The following BRAF variants were observed in gnomAD, a reference collection of about 807,000 sequenced individuals.
BRAF encodes the protein B-Raf proto-oncogene, serine/threonine kinase.
A neutral mutation model predicts 104.6 loss-of-function variants in BRAF; 16 were observed. The observed-to-expected ratio is 0.15, with a 90% CI of 0.10 to 0.23. The LOEUF (loss-of-function observed/expected upper bound fraction) is 0.23, where lower values mean the gene tolerates loss of function less well. Ranked by LOEUF, BRAF falls within the 10% of genes least tolerant of loss-of-function variation. BRAF has a pLI of 1.00. For synonymous variants in BRAF, 310 were observed against 341.6 expected (o/e 0.91, Z 1.02); for missense variants, 541 against 937.3 (o/e 0.58, Z 5.52).
intron 1 of BRAF, among the ~76,000 whole-genome samples, chr7:140,858,009 T>C (rs543886475): frequency 6.6e-5 from 10 of 152,138 alleles, no homozygotes; most frequent in Non-Finnish European, 1.5e-4. Context: ...AAATTAGTTA[T>C]TCCCACTTGA....
At chr7:140,887,833 C>T (rs10255130) in intron 1 of BRAF, among the ~76,000 whole-genome samples, 45,566 of 151,896 alleles carry the variant, frequency 0.3, 10,933 homozygotes, top group African/African-American at 0.67. Flanking sequence ...CCCACCTTGG[C>T]CACCCAAGTA....
rs193259995 is a variant in BRAF, at chr7:140,878,812, C to G, written c.139-28600G>C. On this transcript the variant is annotated intron_variant, in intron 1 of 19. Coordinates refer to ENST00000644969, the MANE Select transcript of BRAF (RefSeq NM_001374258.1). ...CCCAATCACCTTGACTTCAGCATTG[C>G]GCACTGTATACCTATATCAAAATAT... Among the ~76,000 whole-genome samples, 432 of 152,228 alleles carry G rather than the reference C, an allele frequency of 2.8e-3. 2 individuals carry two copies. The highest frequency in any genetic ancestry group is 4.4e-3 in the Admixed American group (68 of 15,296).
Position 140,787,594 on chromosome 7 carries a change from A to T in BRAF, c.1141-10T>A. The T allele has an allele frequency of 6.2e-7, 1 of 1,607,834 alleles. No homozygotes were observed. Among genetic ancestry groups the T allele is most frequent in the South Asian group, 1.1e-5 (1 of 90,864 alleles). On this transcript the variant is annotated splice_polypyrimidine_tract_variant and intron_variant, in intron 8 of 19. Transcript: ENST00000644969. Reference sequence around the variant, plus strand: ...GGTCTCTAATCAAGTCCTACAAATAAATAGTAATGTATATTTATTCCAAGC... The same window carrying T: ...GGTCTCTAATCAAGTCCTACAAATATATAGTAATGTATATTTATTCCAAGC...
intron 1 of BRAF, among the ~76,000 whole-genome samples, chr7:140,878,129 G>C (rs1241408344): frequency 6.6e-6 from 1 of 151,460 alleles, no homozygotes; most frequent in African/African-American, 2.4e-5. Context: ...GAAATCACAA[G>C]AAAAATTAGA....
chr7:140,713,609 GT>G, the BRAF span, among the ~76,000 whole-genome samples: 1 of 152,120 alleles, frequency 6.6e-6, no homozygotes, highest in Admixed American at 6.5e-5. Flanking sequence ...CTCTCAACTT[GT>G]CAAAGTCATT....
At chr7:140,827,694 A>T (rs752315672) in intron 3 of BRAF, among the ~76,000 whole-genome samples, 1 of 152,152 alleles carries the variant, frequency 6.6e-6, no homozygotes, top group Non-Finnish European at 1.5e-5. Context: ...TTTGTTCCAG[A>T]GTGACAAACT....
chr7:140,904,154 C>A (rs956019056), intron 1 of BRAF, among the ~76,000 whole-genome samples: 1 of 152,168 alleles, frequency 6.6e-6, no homozygotes, highest in Non-Finnish European at 1.5e-5. Flanking sequence ...GAAAGCATCG[C>A]CTGGTACAGA....
intron 1 of BRAF, among the ~76,000 whole-genome samples, chr7:140,853,756 T>A (rs1267299577): frequency 6.6e-6 from 1 of 152,220 alleles, no homozygotes; most frequent in Non-Finnish European, 1.5e-5. Flanking sequence ...AATCAGCTTC[T>A]ATGCCCTTTG....
At chr7:140,798,319 G>A (rs1274702159) in intron 7 of BRAF, among the ~76,000 whole-genome samples, 2 of 142,170 alleles carry the variant, frequency 1.4e-5, no homozygotes, top group African/African-American at 5.2e-5. Context: ...CTGGAATGCA[G>A]TGACGTGATC....
downstream of BRAF, among the ~76,000 whole-genome samples, chr7:140,717,391 C>T (rs1034401870): frequency 1.3e-5 from 2 of 152,158 alleles, no homozygotes; most frequent in Admixed American, 1.3e-4. Context: ...AGCAGTCTCC[C>T]CCGACCTCAG....
Position 140,821,295 on chromosome 7 carries a change from T to C in BRAF, c.505-12300A>G, listed in dbSNP as rs1454026967. Among the ~76,000 whole-genome samples the C allele has an allele frequency of 6.8e-3, 22 of 3,230 alleles. No individual in the cohort carries two copies. The South Asian group carries it at 0.11, about 15-fold the overall frequency. The allele number at this position is 3,230 out of a possible 152,430, so 2.1% of individuals were successfully genotyped here. A position where few individuals can be genotyped will look rare whatever the true frequency, so the allele number is the denominator to read the frequency against. On this transcript the variant is annotated intron_variant, in intron 3 of 19. Coordinates refer to ENST00000644969, the MANE Select transcript of BRAF (RefSeq NM_001374258.1). ...CACTACACCCAGCGTCTGAATTACA[T>C]TTTTTTTTTTTTTTTTTTTTTTGAG...
At chr7:140,748,498 G>A (rs1411971346) in intron 17 of BRAF, among the ~76,000 whole-genome samples, 1 of 152,128 alleles carries the variant, frequency 6.6e-6, no homozygotes, top group African/African-American at 2.4e-5. Flanking sequence ...GCAAATCACA[G>A]CATAAAGTCG....
intron 8 of BRAF, 87 bp from the exon 9 acceptor site, chr7:140,787,671 A>C: frequency 9.0e-7 from 1 of 1,116,860 alleles, no homozygotes; most frequent in Non-Finnish European, 1.4e-6. Context: ...CTAACGTTAA[A>C]AGAATTATTT....
intron 14 of BRAF, among the ~76,000 whole-genome samples, chr7:140,760,779 A>G (rs895514289): frequency 6.6e-5 from 10 of 152,174 alleles, no homozygotes; most frequent in Non-Finnish European, 1.3e-4. Flanking sequence ...AACTGGAAGA[A>G]AGGGTATCAG....
chr7:140,835,190 C>T, intron 2 of BRAF: 1 of 299,628 alleles, frequency 3.3e-6, no homozygotes, highest in East Asian at 6.6e-5. Flanking sequence ...CCTTCCAAAT[C>T]ATGTCTAACG....
chr7:140,896,691 C>T (rs1315012726), intron 1 of BRAF, among the ~76,000 whole-genome samples: 1 of 152,028 alleles, frequency 6.6e-6, no homozygotes, highest in Non-Finnish European at 1.5e-5. Context: ...TATGGTGAAA[C>T]TCCGTCTCTA....
chr7:140,861,633 G>A (rs1421293641), intron 1 of BRAF, among the ~76,000 whole-genome samples: 1 of 152,142 alleles, frequency 6.6e-6, no homozygotes, highest in African/African-American at 2.4e-5. Flanking sequence ...AATGTGCATG[G>A]GCATGATAAA....
chr7:140,713,659 A>T, the BRAF span, among the ~76,000 whole-genome samples: 3 of 152,152 alleles, frequency 2.0e-5, no homozygotes, highest in Non-Finnish European at 4.4e-5. Flanking sequence ...GAGGAACTGC[A>T]TTCCTTTGGA....
intron 19 of BRAF, chr7:140,730,999 A>G (rs1795914747): frequency 6.6e-6 from 1 of 151,956 alleles, no homozygotes; most frequent in Non-Finnish European, 1.5e-5. Context: ...CTTCGTCATG[A>G]CTTTCAAGCA....
Sources: allele counts gnomAD v4.1 joint callset (sites outside exome capture counted in the v4.1 genomes callset), GRCh38; gene constraint gnomAD v4.1.1; transcripts MANE v1.5; gene names NCBI Gene and HGNC (gene_info 2026-07-23, HGNC 2026-07-21).